Variants in PAPOLA observed in about 807,000 individuals in gnomAD.
PAPOLA encodes the protein polynucleotide adenylyltransferase alpha.
In PAPOLA, 15 loss-of-function variants were observed where a neutral mutation model predicts 100.6. The observed-to-expected ratio is 0.15, with a 90% CI of 0.10 to 0.23. PAPOLA has a LOEUF of 0.23. Ranked by LOEUF, PAPOLA falls within the 10% of genes least tolerant of loss-of-function variation. The pLI is 1.00. For synonymous variants in PAPOLA, 293 were observed against 300.0 expected (o/e 0.98, Z 0.24); for missense variants, 533 against 884.2 (o/e 0.60, Z 5.04).
chr14:96,535,048 A>T, intron 10 of PAPOLA: 1 of 980,150 alleles, frequency 1.0e-6, no homozygotes. Context: ...TATTTTAGAG[A>T]TTATAAAAAC....
At chr14:96,507,289 T>TTG (rs2140221805) in intron 1 of PAPOLA, among the ~76,000 whole-genome samples, 1 of 121,284 alleles carries the variant, frequency 8.2e-6, no homozygotes, top group Non-Finnish European at 1.8e-5. Context: ...AGTTTTTTTT[T>TTG]TTTTTTTTTT....
intron 16 of PAPOLA, 128 bp downstream of exon 16, chr14:96,548,046 G>C (rs1049173633): frequency 4.1e-5 from 31 of 761,410 alleles, no homozygotes; most frequent in Admixed American, 2.0e-4. Context: ...TTAAAAATCT[G>C]TTTCATGGAG....
chr14:96,560,823 ATTG>A (rs1313729960), intron 20 of PAPOLA, 112 bp downstream of exon 20: 8 of 703,418 alleles, frequency 1.1e-5, no homozygotes, highest in African/African-American at 1.8e-5. Context: ...TTTTTTTAGT[ATTG>A]TTTATTACTG....
At chr14:96,534,293 A>C in intron 9 of PAPOLA, 198 bp from the exon 10 acceptor site, 2 of 1,365,500 alleles carry the variant, frequency 1.5e-6, no homozygotes, top group Non-Finnish European at 9.4e-7. Flanking sequence ...GAAGGCTACC[A>C]AATGGTTTAA....
At chr14:96,552,835 G>C in intron 17 of PAPOLA, 1 of 523,360 alleles carries the variant, frequency 1.9e-6, no homozygotes, top group Non-Finnish European at 3.4e-6. Context: ...GACTGATAAT[G>C]TCTTCAGTCA....
chr14:96,534,700 C>T (rs1375767772), intron 10 of PAPOLA, 137 bp downstream of exon 10: 1 of 1,487,486 alleles, frequency 6.7e-7, no homozygotes, highest in Non-Finnish European at 8.9e-7. Flanking sequence ...TTTAGATAAC[C>T]TCAACTATAA....
At chr14:96,563,529 A>C (rs1464547631) in intron 21 of PAPOLA, among the ~76,000 whole-genome samples, 1 of 152,106 alleles carries the variant, frequency 6.6e-6, no homozygotes, top group Non-Finnish European at 1.5e-5. Context: ...TTCTGACACA[A>C]AGTAGATATA....
chr14:96,522,615 G>A (rs1259821145), intron 3 of PAPOLA, among the ~76,000 whole-genome samples: 2 of 152,092 alleles, frequency 1.3e-5, no homozygotes, highest in African/African-American at 2.4e-5. Context: ...ATGTTGCCTA[G>A]GCTAGTCTCG....
chr14:96,551,519 GA>G (rs1900847345), intron 16 of PAPOLA, among the ~76,000 whole-genome samples: 1 of 152,098 alleles, frequency 6.6e-6, no homozygotes, highest in African/African-American at 2.4e-5. Flanking sequence ...CTAAATCAAA[GA>G]TAAGAATATT....
At chr14:96,554,673 T>C (rs1034764664) in intron 17 of PAPOLA, among the ~76,000 whole-genome samples, 5 of 152,118 alleles carry the variant, frequency 3.3e-5, no homozygotes, top group African/African-American at 1.2e-4. Context: ...CAGAGGACTT[T>C]TCTGCTTTTG....
chr14:96,509,965 C>CTTTTTTTTTTTTTTTTTTTTTTTT (rs11372552), intron 1 of PAPOLA, among the ~76,000 whole-genome samples: 2 of 84,426 alleles, frequency 2.4e-5, no homozygotes, highest in African/African-American at 9.1e-5. Flanking sequence ...GTGGGAGTTG[C>CTTTTTTTTTTTTTTTTTTTTTTTT]TTTTTTTTTT....
chr14:96,553,534 T>G (rs1901029180), intron 17 of PAPOLA: 1 of 152,114 alleles, frequency 6.6e-6, no homozygotes, highest in African/African-American at 2.4e-5. Context: ...AAAAAAAAAT[T>G]TTGAGTCTCG....
intron 16 of PAPOLA, among the ~76,000 whole-genome samples, chr14:96,549,737 C>T (rs1171505716): frequency 1.3e-5 from 2 of 152,100 alleles, no homozygotes; most frequent in African/African-American, 4.8e-5. Context: ...AGAGCTTAGC[C>T]TCAGGAAAAC....
At chr14:96,508,645 C>T (rs918333789) in intron 1 of PAPOLA, among the ~76,000 whole-genome samples, 8 of 152,192 alleles carry the variant, frequency 5.3e-5, no homozygotes, top group Non-Finnish European at 1.0e-4. Context: ...AATTAAATTT[C>T]ATCTTCAGTT....
intron 19 of PAPOLA, among the ~76,000 whole-genome samples, chr14:96,559,581 C>CTCTCTCTCTATATATATA (rs370979875): frequency 8.3e-5 from 10 of 120,170 alleles, no homozygotes; most frequent in African/African-American, 3.0e-4. Context: ...CTCTCTCTCT[C>CTCTCTCTCTATATATATA]TATATATATA....
At chr14:96,532,767 G>T (rs1899146856) in intron 9 of PAPOLA, 118 bp downstream of exon 9, 1 of 1,422,696 alleles carries the variant, frequency 7.0e-7, no homozygotes, top group Admixed American at 3.2e-5. Flanking sequence ...ATGTAGTCAT[G>T]TAGGCAGCCT....
intron 13 of PAPOLA, 180 bp from the exon 14 acceptor site, chr14:96,542,594 G>T: frequency 1.7e-6 from 1 of 591,230 alleles, no homozygotes. Flanking sequence ...CCTTGCTGGT[G>T]TGAATGGAGT....
intron 16 of PAPOLA, among the ~76,000 whole-genome samples, chr14:96,550,983 T>A (rs1489303918): frequency 6.6e-6 from 1 of 152,196 alleles, no homozygotes; most frequent in Non-Finnish European, 1.5e-5. Flanking sequence ...CCCTGGGTTA[T>A]GTAGTATGAG....
chr14:96,538,367 T>C (rs1485369185), intron 12 of PAPOLA, among the ~76,000 whole-genome samples: 1 of 152,060 alleles, frequency 6.6e-6, no homozygotes, highest in African/African-American at 2.4e-5. Flanking sequence ...ACCTTAATAA[T>C]GTCATTTTAT....
Sources: allele counts gnomAD v4.1 joint callset (sites outside exome capture counted in the v4.1 genomes callset), GRCh38; gene constraint gnomAD v4.1.1; transcripts MANE v1.5; gene names NCBI Gene and HGNC (gene_info 2026-07-23, HGNC 2026-07-21).